The following GALNT17 variants were observed in gnomAD, a reference collection of about 807,000 sequenced individuals.
GALNT17 encodes the protein polypeptide N-acetylgalactosaminyltransferase 17.
In GALNT17, 29 loss-of-function variants were observed where a neutral mutation model predicts 63.7. The ratio of observed to expected loss-of-function variants is 0.46; its 90% CI spans 0.34 to 0.62. GALNT17 has a LOEUF of 0.62. Among genes scored for constraint, GALNT17 ranks in the 20% least tolerant of loss-of-function variants. GALNT17 has a pLI of 0.01. For synonymous variants in GALNT17, 305 were observed against 318.3 expected (o/e 0.96, Z 0.45); for missense variants, 603 against 799.6 (o/e 0.75, Z 2.97).
intron 5 of GALNT17, among the ~76,000 whole-genome samples, chr7:71,451,359 G>A (rs530099155): frequency 6.6e-6 from 1 of 152,056 alleles, no homozygotes; most frequent in African/African-American, 2.4e-5. Flanking sequence ...CTACTCTGTC[G>A]CAGAAAGTTT....
intron 5 of GALNT17, among the ~76,000 whole-genome samples, chr7:71,546,550 A>T (rs1788989066): frequency 6.6e-6 from 1 of 152,234 alleles, no homozygotes; most frequent in Non-Finnish European, 1.5e-5. Flanking sequence ...GAATGCAAGC[A>T]GCCTGTGTGA....
chr7:71,710,209 T>C (rs552067680), intron 9 of GALNT17, among the ~76,000 whole-genome samples: 380 of 152,248 alleles, frequency 2.5e-3, no homozygotes, highest in African/African-American at 8.6e-3. Context: ...ACTGAGGATA[T>C]GCTTAGATAA....
chr7:71,572,318 A>G (rs1302729614), intron 6 of GALNT17, among the ~76,000 whole-genome samples: 1 of 151,430 alleles, frequency 6.6e-6, no homozygotes, highest in Non-Finnish European at 1.5e-5. Context: ...CCTGGGTGAC[A>G]TAACAAAACC....
At chr7:71,321,911 C>CTTCA (rs1791618767) in intron 1 of GALNT17, among the ~76,000 whole-genome samples, 1 of 91,296 alleles carries the variant, frequency 1.1e-5, no homozygotes, top group African/African-American at 4.0e-5. Flanking sequence ...TCCTTCCTTC[C>CTTCA]TTCCTTCCTT....
At chr7:71,480,593 G>C (rs904581900) in intron 5 of GALNT17, among the ~76,000 whole-genome samples, 1 of 152,126 alleles carries the variant, frequency 6.6e-6, no homozygotes, top group East Asian at 1.9e-4. Context: ...TGCAACCTCT[G>C]CCTTCCAGGT....
intron 5 of GALNT17, among the ~76,000 whole-genome samples, chr7:71,422,840 A>C (rs1262869784): frequency 2.6e-5 from 4 of 152,206 alleles, no homozygotes; most frequent in Non-Finnish European, 5.9e-5. Flanking sequence ...GTGGGCTTAG[A>C]GAATGAGTGC....
rs141316925 is a variant in GALNT17 at position 71,261,115 on chromosome 7, G to A, written c.239-74435G>A. On this transcript the variant is annotated intron_variant, in intron 1 of 10. Coordinates refer to ENST00000333538, the MANE Select transcript of GALNT17 (RefSeq NM_022479.3). Reference sequence around the variant, plus strand: ...CCCCATGCTCAGGCTATACTCCGATGGATTATATCAGAAAATCTGGGTGGG... The same window carrying A: ...CCCCATGCTCAGGCTATACTCCGATAGATTATATCAGAAAATCTGGGTGGG... 3.1e-3 allele frequency among the ~76,000 whole-genome samples: 472 copies of A among 152,296 alleles called. 1 individual carries two copies. Among genetic ancestry groups the A allele is most frequent in the African/African-American group, 9.3e-3 (388 of 41,560 alleles).
At chr7:71,323,346 C>T (rs1414205290) in intron 1 of GALNT17, among the ~76,000 whole-genome samples, 1 of 152,112 alleles carries the variant, frequency 6.6e-6, no homozygotes, top group Non-Finnish European at 1.5e-5. Flanking sequence ...ATTTCTGCAC[C>T]AAATGGGGTT....
intron 6 of GALNT17, among the ~76,000 whole-genome samples, chr7:71,660,960 G>A (rs1435614366): frequency 2.0e-5 from 3 of 152,178 alleles, no homozygotes; most frequent in Non-Finnish European, 4.4e-5. Flanking sequence ...CCCTTGCACA[G>A]CCATGCCGCC....
chr7:71,400,389 A>G lies in GALNT17; in HGVS notation c.589+11988A>G, dbSNP rs2116384914. Among the ~76,000 whole-genome samples the G allele has an allele frequency of 1.3e-5, 2 of 152,256 alleles. 1 individual carries two copies. The highest frequency in any genetic ancestry group is 4.2e-4 in the South Asian group (2 of 4,818). On this transcript the variant is annotated intron_variant, in intron 3 of 10. Coordinates refer to ENST00000333538, the MANE Select transcript of GALNT17 (RefSeq NM_022479.3). The stretch of plus-strand genomic sequence containing the variant: ...ATATCAAGAACTTTTTATATATTAA[A>G]CAAACCTTTTTTACATCACTTTGCA...
intron 5 of GALNT17, among the ~76,000 whole-genome samples, chr7:71,456,008 G>C (rs1204763223): frequency 6.6e-6 from 1 of 152,188 alleles, no homozygotes; most frequent in African/African-American, 2.4e-5. Flanking sequence ...CACTTTGGGA[G>C]GCTGAGGCGG....
intron 1 of GALNT17, among the ~76,000 whole-genome samples, chr7:71,246,400 G>A (rs980418919): frequency 1.3e-5 from 2 of 151,628 alleles, no homozygotes; most frequent in Non-Finnish European, 2.9e-5. Flanking sequence ...TGGGATTACA[G>A]GTGTGAGCCA....
chr7:71,491,399 T>TG (rs1341309433), intron 5 of GALNT17, among the ~76,000 whole-genome samples: 2 of 152,052 alleles, frequency 1.3e-5, no homozygotes, highest in African/African-American at 4.8e-5. Context: ...CTCCAACAGT[T>TG]GCATTTTACA....
intron 1 of GALNT17, among the ~76,000 whole-genome samples, chr7:71,237,466 A>G (rs1002340843): frequency 2.0e-5 from 3 of 147,516 alleles, no homozygotes; most frequent in Non-Finnish European, 4.5e-5. Context: ...GCTTGAGGCC[A>G]GGAGTCTGAG....
intron 1 of GALNT17, among the ~76,000 whole-genome samples, chr7:71,330,661 C>T (rs1472289180): frequency 6.6e-6 from 1 of 152,068 alleles, no homozygotes; most frequent in Non-Finnish European, 1.5e-5. Context: ...CTCGGCCTCC[C>T]AAAGCACTGG....
Position 71,428,275 on chromosome 7 carries a change from G to C in GALNT17, c.962+7170G>C, listed in dbSNP as rs767187495. Among the ~76,000 whole-genome samples the C allele has an allele frequency of 3.4e-4, 52 of 152,108 alleles. 1 individual carries two copies. The highest frequency in any genetic ancestry group is 6.2e-4 in the South Asian group (3 of 4,826). On this transcript the variant is annotated intron_variant, in intron 5 of 10. Coordinates refer to ENST00000333538, the MANE Select transcript of GALNT17 (RefSeq NM_022479.3). The stretch of plus-strand genomic sequence containing the variant: ...TTCCTCCCTCCCACCAAACAGTGAA[G>C]GCTGCCAATCTACTTTCTGTCTCTA...
chr7:71,389,421 C>T (rs1052872473), intron 3 of GALNT17, among the ~76,000 whole-genome samples: 1 of 152,040 alleles, frequency 6.6e-6, no homozygotes, highest in Non-Finnish European at 1.5e-5. Context: ...GGCCATGAGC[C>T]ACCGTGCCTG....
At chr7:71,530,800 C>T (rs1445947919) in intron 5 of GALNT17, among the ~76,000 whole-genome samples, 1 of 152,048 alleles carries the variant, frequency 6.6e-6, no homozygotes, top group Non-Finnish European at 1.5e-5. Flanking sequence ...GATCTCCTGA[C>T]CTTGTGATCC....
chr7:71,133,879 G>T (rs764484970), intron 1 of GALNT17, among the ~76,000 whole-genome samples: 1 of 152,136 alleles, frequency 6.6e-6, no homozygotes, highest in East Asian at 1.9e-4. Flanking sequence ...GATGCGTGGG[G>T]TTATCCAAGG....
Sources: allele counts gnomAD v4.1 joint callset (sites outside exome capture counted in the v4.1 genomes callset), GRCh38; gene constraint gnomAD v4.1.1; transcripts MANE v1.5; gene names NCBI Gene and HGNC (gene_info 2026-07-23, HGNC 2026-07-21).